The following ADGRB3 variants were observed in gnomAD, a reference collection of about 807,000 sequenced individuals.
ADGRB3 encodes adhesion G protein-coupled receptor B3, also known as brain-specific angiogenesis inhibitor 3.
Under a neutral mutation model 193.4 loss-of-function variants are expected in ADGRB3, and 37 were observed. That is an observed-to-expected ratio of 0.19 (90% CI 0.15 to 0.25). ADGRB3 has a LOEUF of 0.25. Ranked by LOEUF, ADGRB3 falls within the 10% of genes least tolerant of loss-of-function variation. ADGRB3 has a pLI of 1.00. For missense variants in ADGRB3, 1,637 were observed against 1,852.9 expected, an observed-to-expected ratio of 0.88 and a Z score of 2.14; for synonymous variants, 690 against 644.2, an observed-to-expected ratio of 1.07 and a Z score of -1.08.
At chr6:69,339,908 G>A (rs1768939897) in intron 26 of ADGRB3, among the ~76,000 whole-genome samples, 1 of 152,180 alleles carries the variant, frequency 6.6e-6, no homozygotes, top group Non-Finnish European at 1.5e-5. Context: ...CCTAACTCAT[G>A]TTTCTTCACA....
intron 3 of ADGRB3, among the ~76,000 whole-genome samples, chr6:68,787,728 G>T (rs1420216630): frequency 6.6e-6 from 1 of 152,188 alleles, no homozygotes; most frequent in Non-Finnish European, 1.5e-5. Context: ...CAGAAAGAAT[G>T]CTACCAGCTC....
chr6:69,013,692 C>T (rs1770005211), intron 11 of ADGRB3, among the ~76,000 whole-genome samples: 1 of 152,040 alleles, frequency 6.6e-6, no homozygotes, highest in Admixed American at 6.6e-5. Flanking sequence ...GAAACAAATA[C>T]AGATGACTTT....
intron 17 of ADGRB3, among the ~76,000 whole-genome samples, chr6:69,192,149 C>CA (rs1218183310): frequency 6.6e-6 from 1 of 152,102 alleles, no homozygotes; most frequent in African/African-American, 2.4e-5. Context: ...TGAGGTCCCT[C>CA]AATAGGCTGT....
intron 17 of ADGRB3, among the ~76,000 whole-genome samples, chr6:69,172,926 C>A (rs1272103334): frequency 3.3e-5 from 5 of 152,164 alleles, no homozygotes; most frequent in Non-Finnish European, 7.3e-5. Flanking sequence ...CTGGAATACA[C>A]TGAGTGACAA....
At chr6:68,952,081 A>G (rs1380774610) in intron 6 of ADGRB3, among the ~76,000 whole-genome samples, 1 of 152,182 alleles carries the variant, frequency 6.6e-6, no homozygotes, top group East Asian at 1.9e-4. Context: ...ATAATGCACA[A>G]ATTCTATCTG....
chr6:69,085,382 A>C, intron 17 of ADGRB3, among the ~76,000 whole-genome samples: 1 of 152,218 alleles, frequency 6.6e-6, no homozygotes, highest in South Asian at 2.1e-4. Context: ...TTATGTTATT[A>C]ATATATTAAT....
intron 3 of ADGRB3, among the ~76,000 whole-genome samples, chr6:68,720,451 G>T (rs1336395983): frequency 6.6e-6 from 1 of 151,688 alleles, no homozygotes; most frequent in Non-Finnish European, 1.5e-5. Flanking sequence ...CAATAAAAAT[G>T]TTGAAGAGGC....
chr6:69,208,331 A>C (rs1439068971), intron 17 of ADGRB3, among the ~76,000 whole-genome samples: 1 of 152,212 alleles, frequency 6.6e-6, no homozygotes, highest in East Asian at 1.9e-4. Flanking sequence ...GAAGTCCACC[A>C]ACATACCTCT....
intron 3 of ADGRB3, among the ~76,000 whole-genome samples, chr6:68,721,623 AATAAATATAT>A (rs1765581421): frequency 1.6e-5 from 1 of 63,366 alleles, no homozygotes; most frequent in African/African-American, 7.1e-5. Context: ...CTTAAAGTAT[AATAAATATAT>A]ATATATATAT....
At position 68,864,279 on chromosome 6, in the gene ADGRB3, A is replaced by G. The variant is rs530912289; in HGVS notation, c.758-66280A>G. ...AAGTTATGGCACTTATAGTTGCCAT[A>G]TAAGTGATGTGTTAGCAACTGCTAG... On this transcript the variant is annotated intron_variant, in intron 3 of 31. Coordinates refer to ENST00000370598, the MANE Select transcript of ADGRB3 (RefSeq NM_001704.3). Among the ~76,000 whole-genome samples, 36 of 152,368 alleles carry G rather than the reference A, an allele frequency of 2.4e-4. No homozygotes were observed. The South Asian group carries it at 7.2e-3, about 31-fold the overall frequency.
intron 3 of ADGRB3, among the ~76,000 whole-genome samples, chr6:68,819,756 A>G (rs1052988721): frequency 1.3e-4 from 20 of 152,092 alleles, no homozygotes; most frequent in African/African-American, 3.6e-4. Context: ...AAAATTGTAT[A>G]CAGATAAACA....
At position 68,956,865 on chromosome 6, in the gene ADGRB3, AG is replaced by A. The variant is rs897097070; in HGVS notation, c.1525+57del. ...AACATTTCATAACGTGAAAAAAAAA[AG>A]ATTTAAAAATATTGTCATTGGTTAA... On this transcript the variant is annotated intron_variant, in intron 8 of 31. Transcript: ENST00000370598. The A allele has an allele frequency of 5.0e-5, 65 of 1,302,918 alleles. 1 individual carries two copies. The African/African-American group carries it at 8.1e-4, about 16-fold the overall frequency. 80.7% of individuals were successfully genotyped at this position (1,302,918 alleles called of 1,614,324 possible).
chr6:68,849,153 A>G (rs1238736933), intron 3 of ADGRB3, among the ~76,000 whole-genome samples: 1 of 151,988 alleles, frequency 6.6e-6, no homozygotes, highest in Non-Finnish European at 1.5e-5. Context: ...TGGTTCTTGA[A>G]TCATGAAAAG....
intron 27 of ADGRB3, among the ~76,000 whole-genome samples, chr6:69,354,769 G>A (rs1338902404): frequency 3.3e-5 from 5 of 152,162 alleles, no homozygotes; most frequent in South Asian, 2.1e-4. Context: ...CTAGGTATTG[G>A]TGATTCCAGT....
At chr6:68,860,784 T>C (rs1042916028) in intron 3 of ADGRB3, among the ~76,000 whole-genome samples, 1 of 152,296 alleles carries the variant, frequency 6.6e-6, no homozygotes, top group Non-Finnish European at 1.5e-5. Flanking sequence ...CTGGGTCAAA[T>C]GGTAGTTCTA....
intron 17 of ADGRB3, among the ~76,000 whole-genome samples, chr6:69,208,396 C>A (rs992172238): frequency 5.9e-5 from 9 of 152,202 alleles, no homozygotes; most frequent in Non-Finnish European, 1.3e-4. Context: ...AAGTCCCTGA[C>A]CATTCAGCCA....
intron 17 of ADGRB3, among the ~76,000 whole-genome samples, chr6:69,134,586 G>A (rs1392294793): frequency 6.6e-6 from 1 of 151,946 alleles, no homozygotes; most frequent in African/African-American, 2.4e-5. Flanking sequence ...GTACAGGATG[G>A]TACAAGAAAT....
intron 3 of ADGRB3, among the ~76,000 whole-genome samples, chr6:68,744,668 A>G (rs1460033025): frequency 6.6e-6 from 1 of 152,152 alleles, no homozygotes; most frequent in Non-Finnish European, 1.5e-5. Context: ...GTTCTCACTC[A>G]TAAGTGGGAG....
chr6:68,675,839 A>G (rs1769074695), intron 3 of ADGRB3, among the ~76,000 whole-genome samples: 1 of 152,182 alleles, frequency 6.6e-6, no homozygotes, highest in African/African-American at 2.4e-5. Context: ...GTCTTCAGTC[A>G]TTCTCTTATT....
Sources: allele counts gnomAD v4.1 joint callset (sites outside exome capture counted in the v4.1 genomes callset), GRCh38; gene constraint gnomAD v4.1.1; transcripts MANE v1.5; gene names NCBI Gene and HGNC (gene_info 2026-07-23, HGNC 2026-07-21).